WDFY4: variants seen among roughly 807,000 people sequenced by gnomAD.
WDFY4 encodes WDFY family member 4.
Under a neutral mutation model 351.9 loss-of-function variants are expected in WDFY4, and 169 were observed. The ratio of observed to expected loss-of-function variants is 0.48; its 90% CI spans 0.42 to 0.55. The LOEUF (loss-of-function observed/expected upper bound fraction) is 0.55, where lower values mean the gene tolerates loss of function less well. WDFY4 is among the 20% of genes least tolerant of loss of function. The pLI is 0.00. For synonymous variants in WDFY4, 1,622 were observed against 1,574.6 expected, an observed-to-expected ratio of 1.03 and a Z score of -0.71; for missense variants, 3,803 against 3,935.6, an observed-to-expected ratio of 0.97 and a Z score of 0.90.
chr10:48,881,069 T>C (rs774838048), intron 43 of WDFY4, among the ~76,000 whole-genome samples: 3 of 152,208 alleles, frequency 2.0e-5, no homozygotes, highest in African/African-American at 4.8e-5. Context: ...CTGGTCTCAC[T>C]GGTTTGTGGC....
chr10:48,848,059 C>T (rs1012855819), intron 39 of WDFY4, among the ~76,000 whole-genome samples: 19 of 152,144 alleles, frequency 1.2e-4, no homozygotes, highest in Non-Finnish European at 2.2e-4. Flanking sequence ...GTGCAATTAC[C>T]TGGGCACTCA....
At chr10:48,832,983 C>G (rs1432058634) in intron 39 of WDFY4, among the ~76,000 whole-genome samples, 1 of 152,170 alleles carries the variant, frequency 6.6e-6, no homozygotes, top group South Asian at 2.1e-4. Context: ...CAAAGGTGGA[C>G]AGAAACATTC....
At position 48,977,582 on chromosome 10, in the gene WDFY4, G is replaced by A. The variant is rs552340465; in HGVS notation, c.9291+603G>A. On this transcript the variant is annotated intron_variant, in intron 59 of 61. Transcript: ENST00000325239. ...GCAGAAAGCAGGGCATCCTGGGATG[G>A]CCTGGGCTTGGTGGGGTGTGGCCCA... is the stretch of plus-strand genomic sequence containing the variant. 3.3e-5 allele frequency among the ~76,000 whole-genome samples: 5 copies of A among 152,366 alleles called. No homozygotes were observed. The South Asian group carries it at 8.3e-4, about 25-fold the overall frequency.
chr10:48,787,911 T>C (rs968819052), intron 20 of WDFY4, among the ~76,000 whole-genome samples: 29 of 43,902 alleles, frequency 6.6e-4, no homozygotes, highest in Non-Finnish European at 1.0e-3. Context: ...TTCTTCTTCT[T>C]CTTCTTCTTC....
chr10:48,969,336 C>A, intron 56 of WDFY4, 88 bp downstream of exon 56: 2 of 1,444,574 alleles, frequency 1.4e-6, no homozygotes, highest in Non-Finnish European at 9.3e-7. Flanking sequence ...TAAGTGAGTC[C>A]AAAGCAACCT....
intron 47 of WDFY4, chr10:48,911,025 G>T: frequency 2.4e-6 from 1 of 419,928 alleles, no homozygotes; most frequent in Non-Finnish European, 3.2e-6. Flanking sequence ...TAGCTATCCG[G>T]CACTGTCTGT....
chr10:48,868,639 G>A (rs911706610), intron 40 of WDFY4, among the ~76,000 whole-genome samples: 1 of 152,162 alleles, frequency 6.6e-6, no homozygotes, highest in African/African-American at 2.4e-5. Context: ...GCCACTGAGG[G>A]GGAAATAAGA....
In WDFY4 at chr10:48,934,840, C is replaced by A. The variant is rs72801309; in HGVS notation, c.7587-6966C>A. On this transcript the variant is annotated intron_variant, in intron 47 of 61. Transcript: ENST00000325239. ...AGAGCAGCAAAAACACTCACAGAGA[C>A]CCAGACTTTGGAGAGAGGATCCCGT... is the stretch of plus-strand genomic sequence containing the variant. 3.8e-3 allele frequency among the ~76,000 whole-genome samples: 583 copies of A among 152,246 alleles called. 1 individual carries two copies. The highest frequency in any genetic ancestry group is 6.4e-3 in the Non-Finnish European group (436 of 68,040).
At chr10:48,793,563 G>T (rs12217291) in intron 23 of WDFY4, among the ~76,000 whole-genome samples, 1 of 152,072 alleles carries the variant, frequency 6.6e-6, no homozygotes, top group South Asian at 2.1e-4. Context: ...TTCTAGGCAC[G>T]TTTTCTCGCT....
intron 10 of WDFY4, among the ~76,000 whole-genome samples, chr10:48,734,523 C>CATATATATATATATATATATAT (rs10653287): frequency 6.7e-4 from 97 of 144,932 alleles, no homozygotes; most frequent in African/African-American, 2.4e-3. Flanking sequence ...ATAATATGTG[C>CATATATATATATATATATATAT]ATATATATAT....
chr10:48,915,869 G>A (rs533345015), intron 47 of WDFY4, among the ~76,000 whole-genome samples: 168 of 152,220 alleles, frequency 1.1e-3, no homozygotes, highest in Non-Finnish European at 2.8e-4. Flanking sequence ...TAAAAATAGT[G>A]GACTCCCCAT....
At chr10:48,809,078 C>G (rs918103849) in intron 28 of WDFY4, among the ~76,000 whole-genome samples, 3 of 152,226 alleles carry the variant, frequency 2.0e-5, no homozygotes, top group Middle Eastern at 3.4e-3. Flanking sequence ...GAGAATGGTG[C>G]CTGGAATACT....
intron 23 of WDFY4, among the ~76,000 whole-genome samples, chr10:48,795,387 A>G (rs1030956587): frequency 6.6e-6 from 1 of 151,138 alleles, no homozygotes; most frequent in Admixed American, 6.6e-5. Flanking sequence ...GACATTTGAC[A>G]CTGTTTGATG....
intron 58 of WDFY4, 146 bp downstream of exon 58, chr10:48,975,187 A>T: frequency 9.2e-7 from 1 of 1,081,568 alleles, no homozygotes; most frequent in Non-Finnish European, 1.4e-6. Flanking sequence ...GTCGCTGTAG[A>T]TCTCACTTGT....
At chr10:48,752,182 G>A (rs914591656) in intron 12 of WDFY4, among the ~76,000 whole-genome samples, 2 of 152,100 alleles carry the variant, frequency 1.3e-5, no homozygotes, top group African/African-American at 4.8e-5. Flanking sequence ...CTCATAGTGT[G>A]GCCTGTAGAC....
chr10:48,721,042 C>T lies in WDFY4; in HGVS notation c.350-219C>T, dbSNP rs946642204. Among the ~76,000 whole-genome samples the T allele has an allele frequency of 3.9e-5, 6 of 152,136 alleles. No homozygotes were observed. The South Asian group carries it at 6.2e-4, about 16-fold the overall frequency. Reference sequence around the variant, plus strand: ...TCAGGAACCACTGATGGTTGCTAAACGGGGACGGTGGCACAAAAAACGCTG... The same window carrying T: ...TCAGGAACCACTGATGGTTGCTAAATGGGGACGGTGGCACAAAAAACGCTG... On this transcript the variant is annotated intron_variant, in intron 3 of 61. Coordinates refer to ENST00000325239, the MANE Select transcript of WDFY4 (RefSeq NM_001394531.1).
chr10:48,813,966 G>T lies in WDFY4; in HGVS notation c.5224G>T (p.Asp1742Tyr). Residue 1742 changes from aspartate (D) to tyrosine (Y), a missense_variant, in exon 31 of 62, where the codon GAT (aspartate) becomes TAT (tyrosine). Physicochemically the swap from Asp to Tyr is radical, Grantham distance 160 (BLOSUM62 -3). Transcript: ENST00000325239. ...ELMDGPKDSL[D>Y]AMLQWLLQRH... ...CTGCCTCCTCTTCCAGGACAGCCTT[G>T]ATGCCATGCTTCAGTGGCTCCTGCA... 6.5e-7 allele frequency: 1 copy of T among 1,547,652 alleles called. No individual in the cohort carries two copies. Among genetic ancestry groups the T allele is most frequent in the Non-Finnish European group, 8.7e-7 (1 of 1,144,724 alleles).
intron 40 of WDFY4, among the ~76,000 whole-genome samples, chr10:48,869,547 T>G (rs2069681275): frequency 6.6e-6 from 1 of 152,190 alleles, no homozygotes; most frequent in African/African-American, 2.4e-5. Context: ...AGCCAATTTT[T>G]TTTTTTTTTG....
chr10:48,853,518 C>T (rs759505259), intron 39 of WDFY4, among the ~76,000 whole-genome samples: 1 of 152,178 alleles, frequency 6.6e-6, no homozygotes, highest in Non-Finnish European at 1.5e-5. Flanking sequence ...ACTGAGTCCA[C>T]CATGTGAACT....
Sources: gnomAD v4.1 joint callset for allele counts (sites outside exome capture counted in the v4.1 genomes callset) on GRCh38, gnomAD v4.1.1 for gene constraint, MANE v1.5 for transcripts, NCBI Gene and HGNC (gene_info 2026-07-23, HGNC 2026-07-21) for gene names.